ABCB7: variants seen among roughly 807,000 people sequenced by gnomAD.
The protein encoded by ABCB7 is ATP binding cassette subfamily B member 7.
In ABCB7, 7 loss-of-function variants were observed where a neutral mutation model predicts 54.4. That is an observed-to-expected ratio of 0.13 (90% CI 0.07 to 0.24). The LOEUF is 0.24. Ranked by LOEUF, ABCB7 falls within the 10% of genes least tolerant of loss-of-function variation. The pLI is 1.00. For missense variants in ABCB7, 356 were observed against 570.4 expected (o/e 0.62, Z 3.83); for synonymous variants, 218 against 207.1 (o/e 1.05, Z -0.45).
chrX:75,072,411 T>C (rs2081370023), intron 8 of ABCB7, among the ~76,000 whole-genome samples: 1 of 111,920 alleles, frequency 8.9e-6, no homozygotes, highest in Non-Finnish European at 1.9e-5. Flanking sequence ...ACCTAGATGG[T>C]ATAGTCTACC....
chrX:75,155,960 C>T (rs2082172196), intron 1 of ABCB7, 145 bp downstream of exon 1: 6 of 668,673 alleles, frequency 9.0e-6, no homozygotes, highest in African/African-American at 4.4e-5. Flanking sequence ...AAATTACTGA[C>T]GTTAATTTCC....
chrX:75,054,799 G>A (rs1012124939), intron 15 of ABCB7, among the ~76,000 whole-genome samples: 14 of 110,588 alleles, frequency 1.3e-4, no homozygotes, highest in African/African-American at 4.6e-4. Context: ...ATGTGCCCTG[G>A]TACAGCTTTA....
intron 3 of ABCB7, among the ~76,000 whole-genome samples, chrX:75,103,631 C>T (rs1244348659): frequency 9.0e-6 from 1 of 110,564 alleles, no homozygotes; most frequent in African/African-American, 3.3e-5. Flanking sequence ...TTTTGGAATT[C>T]TTTTTTCTAT....
chrX:75,073,838 A>G, intron 7 of ABCB7, 30 bp downstream of exon 7: 1 of 1,196,988 alleles, frequency 8.4e-7, no homozygotes, highest in Non-Finnish European at 1.1e-6. Context: ...CAATTTCTAA[A>G]TTTTATGTGG....
intron 1 of ABCB7, among the ~76,000 whole-genome samples, chrX:75,122,173 T>C (rs748065163): frequency 7.2e-5 from 8 of 111,349 alleles, no homozygotes; most frequent in Non-Finnish European, 1.5e-4. Context: ...GCACAAGATA[T>C]AGGTCATAAA....
intron 3 of ABCB7, among the ~76,000 whole-genome samples, chrX:75,105,320 A>G (rs2081685422): frequency 8.9e-6 from 1 of 111,822 alleles, no homozygotes; most frequent in African/African-American, 3.2e-5. Context: ...TAACTTCAGT[A>G]AAGTTCAGGA....
chrX:75,147,686 G>A (rs750187149), intron 1 of ABCB7, among the ~76,000 whole-genome samples: 19 of 111,914 alleles, frequency 1.7e-4, no homozygotes, highest in Non-Finnish European at 3.4e-4. Flanking sequence ...GAAGGTGGAA[G>A]AAGGGAGAGG....
chrX:75,129,471 A>C (rs767292581), intron 1 of ABCB7, among the ~76,000 whole-genome samples: 2 of 110,365 alleles, frequency 1.8e-5, no homozygotes, highest in South Asian at 7.8e-4. Context: ...GGGAAGAGAT[A>C]GCATTAGCAG....
chrX:75,091,308 A>C (rs936150719), intron 4 of ABCB7, among the ~76,000 whole-genome samples: 1 of 111,472 alleles, frequency 9.0e-6, no homozygotes, highest in Non-Finnish European at 1.9e-5. Context: ...TTTGAAAATC[A>C]GTTAATGTAA....
intron 1 of ABCB7, among the ~76,000 whole-genome samples, chrX:75,138,223 TACACACACACACACACAC>T: frequency 1.0e-5 from 1 of 99,436 alleles, no homozygotes; most frequent in South Asian, 5.0e-4. Flanking sequence ...GCAACCCTCA[TACACACACACACACACAC>T]ACACACACAC....
At chrX:75,103,982 T>C (rs1312157451) in intron 3 of ABCB7, among the ~76,000 whole-genome samples, 1 of 104,490 alleles carries the variant, frequency 9.6e-6, no homozygotes. Context: ...CTGATGGCTC[T>C]GGTTAGGACT....
intron 3 of ABCB7, among the ~76,000 whole-genome samples, chrX:75,103,949 T>C (rs1242465947): frequency 9.2e-6 from 1 of 108,487 alleles, no homozygotes. Context: ...CCAATTTGGA[T>C]GTCTTTTATT....
In ABCB7 at chrX:75,069,406, C is replaced by T. The variant is rs1425080950; in HGVS notation, c.1414G>A (p.Val472Met). 1.7e-6 allele frequency: 2 copies of T among 1,208,628 alleles called. No homozygotes were observed. The highest frequency in any genetic ancestry group is 1.8e-5 in the South Asian group (1 of 56,832). The change falls in exon 11 of 16, where the codon GTG becomes ATG. Residue 472 changes from valine to methionine, a missense_variant. By Grantham distance (21) the Val-to-Met change is conservative. Coordinates refer to ENST00000373394, the MANE Select transcript of ABCB7 (RefSeq NM_001271696.3). ...TCAAAATGCACATTATCAAAGGCCA[C>T]GGTAGCTGTCTGTGGTGTGATCTGA... ...PLQITPQTAT[V>M]AFDNVHFEYI... is the part of the protein sequence containing the mutation.
At chrX:75,071,450 T>C in intron 9 of ABCB7, 59 bp downstream of exon 9, 2 of 1,147,121 alleles carry the variant, frequency 1.7e-6, no homozygotes, top group Admixed American at 4.4e-5. Context: ...ATTCCTTTCA[T>C]TAATCTTTAT....
chrX:75,155,178 T>C (rs1304702565), intron 1 of ABCB7, among the ~76,000 whole-genome samples: 2 of 113,178 alleles, frequency 1.8e-5, no homozygotes, highest in African/African-American at 6.4e-5. Context: ...TAACTGTATG[T>C]CTCTCTTAGT....
intron 3 of ABCB7, among the ~76,000 whole-genome samples, chrX:75,109,814 G>C (rs1053027598): frequency 2.7e-5 from 3 of 111,900 alleles, no homozygotes; most frequent in African/African-American, 9.7e-5. Flanking sequence ...CCAGAGAAAA[G>C]AACTGTCTCC....
intron 4 of ABCB7, among the ~76,000 whole-genome samples, chrX:75,086,623 T>C (rs1482131263): frequency 1.8e-5 from 2 of 111,955 alleles, no homozygotes; most frequent in African/African-American, 6.5e-5. Flanking sequence ...TTCCTTTAAT[T>C]GCTTCTCTAT....
At chrX:75,132,163 C>T (rs983050414) in intron 1 of ABCB7, among the ~76,000 whole-genome samples, 1 of 112,170 alleles carries the variant, frequency 8.9e-6, no homozygotes, top group African/African-American at 3.2e-5. Flanking sequence ...GCCCCTCAGC[C>T]TCTGCCACTG....
chrX:75,060,681 G>A (rs762002027), intron 14 of ABCB7, among the ~76,000 whole-genome samples: 2 of 111,259 alleles, frequency 1.8e-5, no homozygotes, highest in Non-Finnish European at 3.8e-5. Flanking sequence ...GTTTACCAAT[G>A]AGAACAAAAC....
Sources: gnomAD v4.1 joint callset for allele counts (sites outside exome capture counted in the v4.1 genomes callset) on GRCh38, gnomAD v4.1.1 for gene constraint, MANE v1.5 for transcripts, NCBI Gene and HGNC (gene_info 2026-07-23, HGNC 2026-07-21) for gene names.